The following GALNS variants were observed in gnomAD, a reference collection of about 807,000 sequenced individuals.
The protein encoded by GALNS is N-acetylgalactosamine-6-sulfatase.
Under a neutral mutation model 65.9 loss-of-function variants are expected in GALNS, and 65 were observed. That is an observed-to-expected ratio of 0.99 (90% confidence interval 0.81 to 1.21). GALNS has a LOEUF of 1.21. GALNS is among the 50% of genes most tolerant of loss of function. The pLI, the probability that GALNS is intolerant of heterozygous loss-of-function variation, is 0.00. For synonymous variants in GALNS, 346 were observed against 288.9 expected (o/e 1.20, Z -2.00); for missense variants, 776 against 700.7 (o/e 1.11, Z -1.21).
intron 2 of GALNS, 132 bp from the exon 3 acceptor site, chr16:88,842,103 C>T (rs892876476): frequency 2.4e-5 from 19 of 803,128 alleles, no homozygotes; most frequent in African/African-American, 3.4e-5. Context: ...GGGGCTGCCA[C>T]GCCTGTCAAT....
intron 1 of GALNS, among the ~76,000 whole-genome samples, chr16:88,847,848 C>T (rs1194252539): frequency 2.6e-5 from 4 of 152,364 alleles, no homozygotes; most frequent in South Asian, 2.1e-4. Context: ...CCCTGGTACA[C>T]GCCCAACAGA....
chr16:88,856,462 G>A, intron 1 of GALNS: 2 of 700,390 alleles, frequency 2.9e-6, no homozygotes, highest in South Asian at 1.5e-5. Flanking sequence ...TGCCAGGGAG[G>A]ACGCTGTCCC....
intron 1 of GALNS, among the ~76,000 whole-genome samples, chr16:88,854,593 G>A (rs540617836): frequency 9.8e-5 from 15 of 152,362 alleles, no homozygotes; most frequent in East Asian, 7.7e-4. Context: ...TGTGCTTGGC[G>A]CAGGGCTGAG....
intron 1 of GALNS, chr16:88,844,187 CA>C (rs144777146): frequency 0.099 from 14,966 of 151,910 alleles, 2,350 homozygotes; most frequent in African/African-American, 0.33. Flanking sequence ...CGGGTGAGCA[CA>C]GGGCAGGAAG....
intron 10 of GALNS, 111 bp downstream of exon 10, chr16:88,826,591 C>T: frequency 7.4e-7 from 1 of 1,348,558 alleles, no homozygotes; most frequent in Non-Finnish European, 1.0e-6. Flanking sequence ...CACGAGCACG[C>T]CTGTGTCCAG....
intron 1 of GALNS, chr16:88,855,521 C>A: frequency 1.4e-6 from 1 of 702,638 alleles, no homozygotes; most frequent in South Asian, 1.5e-5. Flanking sequence ...GGAAAGCAGT[C>A]ACTGCACACA....
intron 7 of GALNS, 108 bp downstream of exon 7, chr16:88,835,617 G>A: frequency 6.5e-7 from 1 of 1,543,492 alleles, no homozygotes; most frequent in Non-Finnish European, 8.9e-7. Flanking sequence ...GGTTGCTCTG[G>A]CCTTTCCATA....
chr16:88,850,409 G>C (rs1967452912), intron 1 of GALNS, among the ~76,000 whole-genome samples: 6 of 152,138 alleles, frequency 3.9e-5, no homozygotes, highest in Admixed American at 2.6e-4. Context: ...CCTCCTACCT[G>C]TTCCAGGCCA....
chr16:88,815,652 G>C (rs1909546468), intron 13 of GALNS: 1 of 985,366 alleles, frequency 1.0e-6, no homozygotes, highest in Non-Finnish European at 1.2e-6. Flanking sequence ...ACGCCGCATG[G>C]CCCTGAGGGC....
At chr16:88,855,882 C>G in intron 1 of GALNS, 1 of 514,220 alleles carries the variant, frequency 1.9e-6, no homozygotes, top group Non-Finnish European at 3.5e-6. Context: ...ACCGACGGCC[C>G]AAAACTGTCT....
chr16:88,827,226 G>C (rs1198936547), intron 9 of GALNS: 1 of 259,486 alleles, frequency 3.9e-6, no homozygotes, highest in Admixed American at 4.8e-5. Context: ...AGAGGAGCAG[G>C]TGGAGAAAAA....
At chr16:88,833,821 C>T (rs569937925) in intron 8 of GALNS, among the ~76,000 whole-genome samples, 1 of 152,322 alleles carries the variant, frequency 6.6e-6, no homozygotes, top group African/African-American at 2.4e-5. Flanking sequence ...TGTGGGTTCT[C>T]ATCTTGTTAC....
intron 1 of GALNS, among the ~76,000 whole-genome samples, chr16:88,852,720 C>A (rs1224226100): frequency 1.3e-5 from 2 of 152,162 alleles, no homozygotes; most frequent in African/African-American, 4.8e-5. Context: ...AACCATGGCA[C>A]CAGAACTACG....
intron 1 of GALNS, chr16:88,856,356 G>A (rs1967878989): frequency 1.4e-6 from 1 of 702,016 alleles, no homozygotes. Flanking sequence ...TCCTCCCTTT[G>A]GGGAGGCCAC....
At chr16:88,841,754 C>T in intron 3 of GALNS, 143 bp downstream of exon 3, 1 of 760,466 alleles carries the variant, frequency 1.3e-6, no homozygotes, top group Non-Finnish European at 2.3e-6. Flanking sequence ...GCCTGCACTT[C>T]CACCTAAGTC....
rs1226271570 is a variant in GALNS at position 88,814,068 on chromosome 16, C to T, written c.*371G>A. 5 of 382,464 alleles carry T rather than the reference C, an allele frequency of 1.3e-5. No individual in the cohort carries two copies. Among genetic ancestry groups the T allele is most frequent in the Non-Finnish European group, 2.5e-5 (5 of 199,860 alleles). 23.7% of individuals were successfully genotyped at this position (382,464 alleles called of 1,614,324 possible). On this transcript the variant is annotated 3_prime_UTR_variant, in exon 14 of 14. Transcript: ENST00000268695. ...TAAAGGCAAACTGTATCCCCAGCCA[C>T]CTCAGGCACCTGTTGTCAGGACCTC...
rs530075590 is a variant in GALNS, at chr16:88,852,433, A to C, written c.120+4325T>G. Among the ~76,000 whole-genome samples, 3 of 152,380 alleles carry C rather than the reference A, an allele frequency of 2.0e-5. No individual in the cohort carries two copies. In the South Asian group the frequency reaches 6.2e-4, roughly 32 times the overall value. On this transcript the variant is annotated intron_variant, in intron 1 of 13. Coordinates refer to ENST00000268695, the MANE Select transcript of GALNS (RefSeq NM_000512.5). The stretch of plus-strand genomic sequence containing the variant: ...AAAACCACAAAGATGGGGAGAAACC[A>C]GAGCAGAAAAGCTGAAAATTCTAAA...
chr16:88,838,100 T>C (rs1912335455), intron 4 of GALNS, among the ~76,000 whole-genome samples: 1 of 152,154 alleles, frequency 6.6e-6, no homozygotes, highest in Non-Finnish European at 1.5e-5. Context: ...TGGCCCCGGC[T>C]CCTTCCTTCC....
At chr16:88,830,696 G>A (rs1180254090) in intron 9 of GALNS, among the ~76,000 whole-genome samples, 1 of 152,232 alleles carries the variant, frequency 6.6e-6, no homozygotes, top group South Asian at 2.1e-4. Context: ...CTGGGCCAGA[G>A]GAGATGCAGT....
Sources: gnomAD v4.1 joint callset for allele counts (sites outside exome capture counted in the v4.1 genomes callset) on GRCh38, gnomAD v4.1.1 for gene constraint, MANE v1.5 for transcripts, NCBI Gene and HGNC (gene_info 2026-07-23, HGNC 2026-07-21) for gene names.